The following LRGUK variants were observed in gnomAD, a reference collection of about 807,000 sequenced individuals.
LRGUK encodes leucine rich repeats and guanylate kinase domain containing, also known as leucine-rich repeat and guanylate kinase domain-containing protein.
LRGUK carries 65 observed loss-of-function variants against 76.0 expected under a neutral mutation model. The ratio of observed to expected loss-of-function variants is 0.85; its 90% CI spans 0.70 to 1.05. The LOEUF is 1.05. LRGUK is among the 50% of genes least tolerant of loss of function. LRGUK has a pLI of 0.00. For missense variants in LRGUK, 758 were observed against 732.8 expected (o/e 1.03, Z -0.40); for synonymous variants, 268 against 265.6 (o/e 1.01, Z -0.09).
chr7:134,128,314 C>T (rs1445619379), intron 1 of LRGUK, among the ~76,000 whole-genome samples: 1 of 152,210 alleles, frequency 6.6e-6, no homozygotes, highest in African/African-American at 2.4e-5. Flanking sequence ...TCATCCCACC[C>T]ATATTGACTG....
chr7:134,128,142 GTGCT>G (rs1797105236), intron 1 of LRGUK, among the ~76,000 whole-genome samples: 1 of 149,776 alleles, frequency 6.7e-6, no homozygotes, highest in East Asian at 1.9e-4. Context: ...GCTTTTGAAA[GTGCT>G]TCTTCAAAGA....
In LRGUK at chr7:134,162,267, G is replaced by A. The variant is rs552026077; in HGVS notation, c.796-1130G>A. ...CATTTAGCCGGCATCTTAGTTGGGG[G>A]CTTGGCTCAGTTGAGAGGCTGGGAT... On this transcript the variant is annotated intron_variant, in intron 6 of 15. Coordinates refer to ENST00000645682, the Ensembl canonical transcript of LRGUK. 6.7e-4 allele frequency among the ~76,000 whole-genome samples: 102 copies of A among 152,240 alleles called. 1 individual carries two copies. The South Asian group carries it at 0.019, about 28-fold the overall frequency.
At position 134,161,713 on chromosome 7, in the gene LRGUK, C is replaced by T. The variant is rs569550389; in HGVS notation, c.796-1684C>T. 9.9e-4 allele frequency among the ~76,000 whole-genome samples: 122 copies of T among 122,974 alleles called. No homozygotes were observed. The South Asian group carries it at 0.026, about 26-fold the overall frequency. The allele number at this position is 122,974 out of a possible 152,430, so 80.7% of individuals were successfully genotyped here. A position where few individuals can be genotyped will look rare whatever the true frequency, so the allele number is the denominator to read the frequency against. On this transcript the variant is annotated intron_variant, in intron 6 of 15. Transcript: ENST00000645682. ...CTTTTTTTTTTTTTTTTTTTTGAGACGGAGTCTCGCTCTGTTGCCCAGGCT... is the reference window on the plus strand; with the variant it reads ...CTTTTTTTTTTTTTTTTTTTTGAGATGGAGTCTCGCTCTGTTGCCCAGGCT...
chr7:134,246,360 G>C (rs1371601707), intron 16 of LRGUK, among the ~76,000 whole-genome samples: 1 of 152,220 alleles, frequency 6.6e-6, no homozygotes, highest in Non-Finnish European at 1.5e-5. Flanking sequence ...TATTTCCAGA[G>C]ATGTTAGGTG....
intron 12 of LRGUK, among the ~76,000 whole-genome samples, chr7:134,195,727 CAT>C (rs149039525): frequency 6.5e-4 from 97 of 149,778 alleles, no homozygotes; most frequent in African/African-American, 2.2e-3. Context: ...GAGAGCCAGA[CAT>C]ATATATATAT....
At chr7:134,192,663 C>T (rs1322970211) in intron 12 of LRGUK, among the ~76,000 whole-genome samples, 2 of 152,120 alleles carry the variant, frequency 1.3e-5, no homozygotes, top group Non-Finnish European at 2.9e-5. Context: ...TGTATCTGCC[C>T]ATGACTTCAG....
rs923161925 is a variant in LRGUK at position 134,238,657 on chromosome 7, T to C, written c.1984-8899T>C. 4.6e-5 allele frequency among the ~76,000 whole-genome samples: 7 copies of C among 152,158 alleles called. No individual in the cohort carries two copies. In the East Asian group the frequency reaches 5.8e-4, roughly 13 times the overall value. On this transcript the variant is annotated intron_variant, in intron 16 of 19. Coordinates refer to the LRGUK transcript ENST00000285928. Reference sequence around the variant, plus strand: ...TGTTTTGTGTCATTTTCTTAATGTCTTTCGTTTATTCTGAATTAGTAGATT... The same window carrying C: ...TGTTTTGTGTCATTTTCTTAATGTCCTTCGTTTATTCTGAATTAGTAGATT...
intron 14 of LRGUK, 149 bp from the exon 15 acceptor site, chr7:134,201,332 G>C: frequency 1.7e-6 from 1 of 597,218 alleles, no homozygotes. Context: ...TTATACAAAG[G>C]TGATGTGTCC....
chr7:134,262,305 C>T (rs879501557), intron 19 of LRGUK, among the ~76,000 whole-genome samples: 6 of 152,136 alleles, frequency 3.9e-5, no homozygotes, highest in Non-Finnish European at 5.9e-5. Flanking sequence ...ACCCGGTAGG[C>T]GGTGGTTGCA....
intron 15 of LRGUK, among the ~76,000 whole-genome samples, chr7:134,203,438 G>T (rs1424812015): frequency 2.0e-5 from 3 of 152,130 alleles, no homozygotes. Context: ...CTGAGGCAGG[G>T]CAGGTCATGA....
intron 5 of LRGUK, among the ~76,000 whole-genome samples, chr7:134,157,681 C>T (rs1445894765): frequency 6.6e-6 from 1 of 152,178 alleles, no homozygotes. Context: ...CACCACCACG[C>T]CCGGCTAATT....
chr7:134,172,736 G>A (rs1799309675), intron 7 of LRGUK, among the ~76,000 whole-genome samples: 2 of 152,110 alleles, frequency 1.3e-5, no homozygotes, highest in African/African-American at 4.8e-5. Flanking sequence ...TAGCACTTGG[G>A]AATGGGAAGT....
Position 134,137,013 on chromosome 7 carries a change from T to G in LRGUK, c.298-10T>G. 1.9e-6 allele frequency: 3 copies of G among 1,602,216 alleles called. No homozygotes were observed. The highest frequency in any genetic ancestry group is 2.6e-6 in the Non-Finnish European group (3 of 1,170,712). On this transcript the variant is annotated splice_polypyrimidine_tract_variant and intron_variant, in intron 1 of 15. Coordinates refer to ENST00000645682, the Ensembl canonical transcript of LRGUK. ...TCTTTTCTTTGTCTACCTTTCTGGG[T>G]TTTTTACAGGAGGAATTTGATGGGG...
At chr7:134,209,409 C>A (rs1801148968) in exon 16 of LRGUK, 1 of 399,084 alleles carries the variant, frequency 2.5e-6, no homozygotes, top group African/African-American at 2.1e-5. Flanking sequence ...AAGGAGGAAA[C>A]CTCCAAACCG....
chr7:134,247,936 AC>A (rs1261008906), intron 17 of LRGUK, among the ~76,000 whole-genome samples: 11 of 152,290 alleles, frequency 7.2e-5, no homozygotes, highest in African/African-American at 2.6e-4. Context: ...ACCACCTTTA[AC>A]TATCGTCTAT....
At chr7:134,140,167 G>A (rs987816455) in intron 3 of LRGUK, among the ~76,000 whole-genome samples, 6 of 151,800 alleles carry the variant, frequency 4.0e-5, no homozygotes, top group South Asian at 2.1e-4. Flanking sequence ...ATAGGGTTTC[G>A]TCATGTTGGC....
At chr7:134,163,486 C>T in exon 7 of LRGUK, 2 of 1,613,852 alleles carry the variant, frequency 1.2e-6, no homozygotes, top group Non-Finnish European at 1.7e-6. Flanking sequence ...TAAGCAGCCT[C>T]CAAGGCTTAG....
rs143358369 is a variant in LRGUK at position 134,218,504 on chromosome 7, C to T, written c.1844-3275C>T. ...AAGAAATCTTATTAATGTAGAAACA[C>T]TTGTCATTAAAATAGAGATTTTTGT... On this transcript the variant is annotated intron_variant, in intron 15 of 19. Coordinates refer to the LRGUK transcript ENST00000285928. Among the ~76,000 whole-genome samples, 186 of 152,244 alleles carry T rather than the reference C, an allele frequency of 1.2e-3. 2 individuals carry two copies. The highest frequency in any genetic ancestry group is 4.4e-3 in the East Asian group (23 of 5,186).
chr7:134,139,312 T>C (rs1323863343), intron 2 of LRGUK, 124 bp from the exon 3 acceptor site: 9 of 631,346 alleles, frequency 1.4e-5, no homozygotes, highest in Non-Finnish European at 2.2e-5. Context: ...CAGATTTTGT[T>C]CTCTCTCTTC....
Sources: allele counts gnomAD v4.1 joint callset (sites outside exome capture counted in the v4.1 genomes callset), GRCh38; gene constraint gnomAD v4.1.1; transcripts MANE v1.5; gene names NCBI Gene and HGNC (gene_info 2026-07-23, HGNC 2026-07-21).